EPHA6: variants seen among roughly 807,000 people sequenced by gnomAD.
EPHA6 encodes ephrin type-A receptor 6.
A neutral mutation model predicts 112.0 loss-of-function variants in EPHA6; 50 were observed. The observed-to-expected ratio is 0.45, with a 90% CI of 0.36 to 0.56. The LOEUF (loss-of-function observed/expected upper bound fraction) is 0.56, where lower values mean the gene tolerates loss of function less well. Among genes scored for constraint, EPHA6 ranks in the 20% least tolerant of loss-of-function variants. The pLI, the probability that EPHA6 is intolerant of heterozygous loss-of-function variation, is 0.00. For synonymous variants in EPHA6, 529 were observed against 490.7 expected (o/e 1.08, Z -1.03); for missense variants, 1,280 against 1,417.4 (o/e 0.90, Z 1.56).
intron 3 of EPHA6, among the ~76,000 whole-genome samples, chr3:97,107,125 A>G (rs1406633544): frequency 2.0e-5 from 3 of 152,168 alleles, no homozygotes; most frequent in Non-Finnish European, 2.9e-5. Flanking sequence ...GCAGGTTTCT[A>G]TATAGATTAA....
intron 14 of EPHA6, among the ~76,000 whole-genome samples, chr3:97,701,143 T>A (rs1276383735): frequency 3.9e-5 from 6 of 152,192 alleles, no homozygotes; most frequent in African/African-American, 1.4e-4. Context: ...GATTCCAGTA[T>A]GAGTTTATTC....
At chr3:97,007,917 G>A (rs753437294) in intron 3 of EPHA6, among the ~76,000 whole-genome samples, 30 of 152,240 alleles carry the variant, frequency 2.0e-4, no homozygotes, top group Non-Finnish European at 3.4e-4. Flanking sequence ...CTTTAAGAAT[G>A]TTGAATATTG....
At chr3:97,740,419 T>C (rs1378272313) in intron 16 of EPHA6, among the ~76,000 whole-genome samples, 1 of 152,144 alleles carries the variant, frequency 6.6e-6, no homozygotes, top group East Asian at 1.9e-4. Flanking sequence ...CGGGCAGCAG[T>C]TGTCCAGATG....
intron 3 of EPHA6, among the ~76,000 whole-genome samples, chr3:97,204,599 GTTCT>G (rs1329830800): frequency 1.3e-5 from 2 of 151,920 alleles, no homozygotes; most frequent in South Asian, 2.1e-4. Context: ...GAAAGACTGT[GTTCT>G]TTCTATGAGA....
chr3:97,416,804 A>G (rs1577315385), intron 6 of EPHA6, among the ~76,000 whole-genome samples: 1 of 152,126 alleles, frequency 6.6e-6, no homozygotes, highest in East Asian at 1.9e-4. Flanking sequence ...TTTCATGATT[A>G]TGAGTATCTT....
chr3:97,664,587 A>C (rs2094192942), intron 14 of EPHA6, among the ~76,000 whole-genome samples: 1 of 152,204 alleles, frequency 6.6e-6, no homozygotes, highest in African/African-American at 2.4e-5. Flanking sequence ...GTCTCAGCCC[A>C]AAATCTCCTT....
At chr3:97,107,797 T>C (rs533371869) in intron 3 of EPHA6, among the ~76,000 whole-genome samples, 1 of 152,314 alleles carries the variant, frequency 6.6e-6, no homozygotes, top group South Asian at 2.1e-4. Flanking sequence ...TTATTTATCA[T>C]TTTTGTAAAT....
intron 11 of EPHA6, chr3:97,560,621 C>T (rs942511525): frequency 4.6e-5 from 7 of 151,996 alleles, no homozygotes; most frequent in African/African-American, 1.7e-4. Flanking sequence ...TTCATTCATT[C>T]TTCAAAGAAT....
intron 13 of EPHA6, among the ~76,000 whole-genome samples, chr3:97,613,129 T>G (rs926532171): frequency 5.9e-5 from 9 of 152,092 alleles, no homozygotes; most frequent in African/African-American, 2.2e-4. Flanking sequence ...TCTTTAATGT[T>G]CTTACCCTTC....
chr3:97,046,900 G>T (rs2045526666), intron 3 of EPHA6, among the ~76,000 whole-genome samples: 1 of 152,112 alleles, frequency 6.6e-6, no homozygotes, highest in Non-Finnish European at 1.5e-5. Flanking sequence ...TAAAATGGAT[G>T]AATGTATATC....
chr3:97,072,459 G>A (rs1325400850), intron 3 of EPHA6, among the ~76,000 whole-genome samples: 1 of 152,012 alleles, frequency 6.6e-6, no homozygotes, highest in African/African-American at 2.4e-5. Context: ...AGGGAGGCAC[G>A]GAACAGATTC....
At chr3:97,511,321 A>G (rs1341771891) in intron 10 of EPHA6, among the ~76,000 whole-genome samples, 2 of 152,208 alleles carry the variant, frequency 1.3e-5, no homozygotes, top group Non-Finnish European at 2.9e-5. Flanking sequence ...TATGCACCCA[A>G]GGGAATCTCC....
chr3:97,267,252 A>G (rs983596369), intron 5 of EPHA6, among the ~76,000 whole-genome samples: 2 of 151,944 alleles, frequency 1.3e-5, no homozygotes, highest in Non-Finnish European at 2.9e-5. Flanking sequence ...TTTTTTTCCA[A>G]TGGGTCTATC....
intron 3 of EPHA6, among the ~76,000 whole-genome samples, chr3:97,052,911 A>G (rs1016413793): frequency 6.6e-6 from 1 of 152,070 alleles, no homozygotes; most frequent in African/African-American, 2.4e-5. Context: ...CACATTGTCA[A>G]CTATGGTGGT....
Position 97,736,209 on chromosome 3 carries a change from T to G in EPHA6, c.3128+91T>G, listed in dbSNP as rs1011901448. ...TAATAACAGGTAGAAAGGAAAAAAA[T>G]GCCTTGATAACCATCTAGTTGTTGA... On this transcript the variant is annotated intron_variant, in intron 16 of 17. Coordinates refer to ENST00000389672, the MANE Select transcript of EPHA6 (RefSeq NM_001080448.3). The G allele has an allele frequency of 9.8e-6, 10 of 1,020,448 alleles. No homozygotes were observed. In the African/African-American group the frequency reaches 1.6e-4, roughly 16 times the overall value. 63.2% of individuals were successfully genotyped at this position (1,020,448 alleles called of 1,614,324 possible).
chr3:97,722,451 G>A (rs1340555382), intron 15 of EPHA6, among the ~76,000 whole-genome samples: 3 of 152,114 alleles, frequency 2.0e-5, no homozygotes, highest in Non-Finnish European at 2.9e-5. Flanking sequence ...TCATAGTGGT[G>A]ACTTATTAAT....
chr3:97,162,952 C>T (rs1300814502), intron 3 of EPHA6, among the ~76,000 whole-genome samples: 1 of 152,126 alleles, frequency 6.6e-6, no homozygotes, highest in Non-Finnish European at 1.5e-5. Context: ...TATCATAACC[C>T]TTCCCACTTT....
chr3:96,932,373 C>T (rs528193072), intron 2 of EPHA6, among the ~76,000 whole-genome samples: 1 of 152,230 alleles, frequency 6.6e-6, no homozygotes, highest in South Asian at 2.1e-4. Context: ...AGAAAATTTT[C>T]AAAATAAATA....
chr3:97,231,468 G>A (rs1402189255), intron 4 of EPHA6, among the ~76,000 whole-genome samples: 1 of 152,192 alleles, frequency 6.6e-6, no homozygotes, highest in African/African-American at 2.4e-5. Context: ...GCCAGATTAA[G>A]AGAAGAAAAA....
Sources: allele counts gnomAD v4.1 joint callset (sites outside exome capture counted in the v4.1 genomes callset), GRCh38; gene constraint gnomAD v4.1.1; transcripts MANE v1.5; gene names NCBI Gene and HGNC (gene_info 2026-07-23, HGNC 2026-07-21).